PRLR: variants seen among roughly 807,000 people sequenced by gnomAD.
PRLR encodes the protein hPRL receptor.
A neutral mutation model predicts 40.2 loss-of-function variants in PRLR; 13 were observed. The ratio of observed to expected loss-of-function variants is 0.32; its 90% CI spans 0.21 to 0.51. PRLR has a LOEUF of 0.51. Ranked by LOEUF, PRLR falls within the 20% of genes least tolerant of loss-of-function variation. The pLI is 0.97. For missense variants in PRLR, 656 were observed against 747.3 expected (o/e 0.88, Z 1.42); for synonymous variants, 269 against 278.7 (o/e 0.97, Z 0.35).
At chr5:35,223,885 A>T (rs1776482960) in intron 1 of PRLR, among the ~76,000 whole-genome samples, 1 of 152,158 alleles carries the variant, frequency 6.6e-6, no homozygotes, top group South Asian at 2.1e-4. Context: ...GTTGCTGTTG[A>T]TGTAGAAATA....
rs201058748 is a variant in PRLR, at chr5:35,171,144, TAAAACCACTCTGG to T, written c.-105-53035_-105-53023del. On this transcript the variant is annotated intron_variant, in intron 1 of 9. Coordinates refer to ENST00000618457, the MANE Select transcript of PRLR (RefSeq NM_000949.7). Reference sequence around the variant, plus strand: ...TGAACACTAATTCTTTCACTGATGCTAAAACCACTCTGGAAAAATCCTGCCATAATTACTGCAG... The same window carrying T: ...TGAACACTAATTCTTTCACTGATGCTAAAAATCCTGCCATAATTACTGCAG... Among the ~76,000 whole-genome samples the T allele has an allele frequency of 2.2e-4, 33 of 152,102 alleles. No homozygotes were observed. The East Asian group carries it at 5.8e-3, about 27-fold the overall frequency.
chr5:35,230,161 C>G (rs567457397), intron 1 of PRLR, 107 bp downstream of exon 1: 1 of 152,310 alleles, frequency 6.6e-6, no homozygotes. Context: ...TGGCCCCGCT[C>G]TCCCCTTCAG....
chr5:35,076,035 G>A (rs574547400), intron 5 of PRLR, among the ~76,000 whole-genome samples: 6 of 152,304 alleles, frequency 3.9e-5, no homozygotes, highest in African/African-American at 1.4e-4. Flanking sequence ...AACCCCATCT[G>A]TACGTCACCA....
Position 35,119,386 on chromosome 5 carries a change from T to TCACACA in PRLR, c.-105-1270_-105-1265dup, listed in dbSNP as rs58727265. On this transcript the variant is annotated intron_variant, in intron 1 of 9. Coordinates refer to ENST00000618457, the MANE Select transcript of PRLR (RefSeq NM_000949.7). ...CATTGACAACCTCTCTCTCTCTCTC[T>TCACACA]CACACACACACACACACACACACAC... Among the ~76,000 whole-genome samples, 18 of 145,744 alleles carry TCACACA rather than the reference T, an allele frequency of 1.2e-4. No individual in the cohort carries two copies. The South Asian group carries it at 2.2e-3, about 18-fold the overall frequency.
At chr5:35,148,561 T>C (rs1774251660) in intron 1 of PRLR, among the ~76,000 whole-genome samples, 1 of 152,164 alleles carries the variant, frequency 6.6e-6, no homozygotes, top group Non-Finnish European at 1.5e-5. Context: ...TTGGACAAAC[T>C]TTCATTTTAG....
chr5:35,093,121 G>A (rs1011181120), intron 2 of PRLR, among the ~76,000 whole-genome samples: 1 of 152,080 alleles, frequency 6.6e-6, no homozygotes, highest in African/African-American at 2.4e-5. Flanking sequence ...GCCAACAGTT[G>A]AGAAAAAGGT....
intron 1 of PRLR, among the ~76,000 whole-genome samples, chr5:35,214,255 A>T (rs1776233665): frequency 6.6e-6 from 1 of 152,150 alleles, no homozygotes; most frequent in South Asian, 2.1e-4. Flanking sequence ...TGCTTATCAG[A>T]TCTGGGTTCC....
intron 1 of PRLR, among the ~76,000 whole-genome samples, chr5:35,215,953 G>T (rs1159969934): frequency 1.3e-5 from 2 of 151,134 alleles, no homozygotes; most frequent in Non-Finnish European, 2.9e-5. Flanking sequence ...CAAGAGAATC[G>T]CTTGAACGCA....
intron 1 of PRLR, among the ~76,000 whole-genome samples, chr5:35,177,594 T>C (rs1775184322): frequency 6.6e-6 from 1 of 152,234 alleles, no homozygotes; most frequent in Non-Finnish European, 1.5e-5. Flanking sequence ...TTCCTTTACT[T>C]ACCATAACAT....
intron 1 of PRLR, among the ~76,000 whole-genome samples, chr5:35,188,680 C>T (rs1775513549): frequency 6.6e-6 from 1 of 152,172 alleles, no homozygotes; most frequent in Admixed American, 6.5e-5. Flanking sequence ...ATGGCTTAAG[C>T]CCTGACCAAC....
intron 2 of PRLR, among the ~76,000 whole-genome samples, chr5:35,102,466 A>ATCCCG (rs1202460322): frequency 5.9e-5 from 8 of 135,232 alleles, no homozygotes; most frequent in African/African-American, 8.3e-5. Flanking sequence ...TTCCTGTCCC[A>ATCCCG]TCCCGTCCCG....
intron 1 of PRLR, among the ~76,000 whole-genome samples, chr5:35,204,001 A>T (rs1427500083): frequency 6.6e-6 from 1 of 152,096 alleles, no homozygotes; most frequent in African/African-American, 2.4e-5. Flanking sequence ...AAAACAACAC[A>T]GCTCTAATTT....
At chr5:35,154,748 A>C (rs569386795) in intron 1 of PRLR, among the ~76,000 whole-genome samples, 1 of 152,342 alleles carries the variant, frequency 6.6e-6, no homozygotes, top group South Asian at 2.1e-4. Context: ...CCAAATGCCC[A>C]TTAATAATAG....
chr5:35,212,015 C>T (rs546513039), intron 1 of PRLR, among the ~76,000 whole-genome samples: 1 of 152,212 alleles, frequency 6.6e-6, no homozygotes, highest in East Asian at 1.9e-4. Flanking sequence ...GGCTATATGG[C>T]CCAAAAAGCC....
intron 1 of PRLR, among the ~76,000 whole-genome samples, chr5:35,200,651 A>T (rs1775857248): frequency 6.6e-6 from 1 of 152,124 alleles, no homozygotes; most frequent in South Asian, 2.1e-4. Context: ...GGGTATTGGT[A>T]TGAGGTGTCA....
intron 2 of PRLR, among the ~76,000 whole-genome samples, chr5:35,098,279 C>T (rs1288000998): frequency 1.3e-5 from 2 of 152,144 alleles, no homozygotes; most frequent in Non-Finnish European, 2.9e-5. Context: ...CTTAGGATGT[C>T]ACAGATAGTG....
At chr5:35,187,987 T>C (rs571422767) in intron 1 of PRLR, among the ~76,000 whole-genome samples, 2 of 152,326 alleles carry the variant, frequency 1.3e-5, no homozygotes, top group Admixed American at 1.3e-4. Context: ...CCCTCAACTG[T>C]TAACTGCATA....
rs181257191 is a variant in PRLR, at chr5:35,049,456, A to G, written c.1010-48T>C. On this transcript the variant is annotated intron_variant, in intron 8 of 8. Transcript: ENST00000231423. ...TACATTCTGAATAACTTCTAGAGGG[A>G]AAGTGGGAGGTTATACCTCTTTTAT... 4.5e-4 allele frequency: 313 copies of G among 698,776 alleles called. 2 individuals are homozygous for G. The highest frequency in any genetic ancestry group is 7.5e-4 in the Non-Finnish European group (286 of 382,982). 43.3% of individuals were successfully genotyped at this position (698,776 alleles called of 1,614,324 possible). A position where few individuals can be genotyped will look rare whatever the true frequency, so the allele number is the denominator to read the frequency against.
intron 1 of PRLR, among the ~76,000 whole-genome samples, chr5:35,132,537 T>G (rs920206027): frequency 1.3e-5 from 2 of 152,232 alleles, no homozygotes; most frequent in Admixed American, 6.5e-5. Context: ...ACTAATTTCT[T>G]GGTATCAAAT....
Sources: gnomAD v4.1 joint callset for allele counts (sites outside exome capture counted in the v4.1 genomes callset) on GRCh38, gnomAD v4.1.1 for gene constraint, MANE v1.5 for transcripts, NCBI Gene and HGNC (gene_info 2026-07-23, HGNC 2026-07-21) for gene names.